GLIS3: variants seen among roughly 807,000 people sequenced by gnomAD.
The protein encoded by GLIS3 is zinc finger protein GLIS3.
GLIS3 carries 53 observed loss-of-function variants against 78.6 expected under a neutral mutation model. The ratio of observed to expected loss-of-function variants is 0.67; its 90% CI spans 0.54 to 0.85. The LOEUF is 0.85. GLIS3 is among the 40% of genes least tolerant of loss of function. The probability of loss-of-function intolerance (pLI) is 0.00; values close to 1 mark genes in which losing one functional copy is unlikely to be tolerated. For missense variants in GLIS3, 1,703 were observed against 1,231.1 expected, an observed-to-expected ratio of 1.38 and a Z score of -5.74; for synonymous variants, 684 against 509.9, an observed-to-expected ratio of 1.34 and a Z score of -4.60.
At chr9:4,197,847 G>C (rs1474183271) in intron 2 of GLIS3, among the ~76,000 whole-genome samples, 1 of 152,000 alleles carries the variant, frequency 6.6e-6, no homozygotes, top group Non-Finnish European at 1.5e-5. Context: ...GCCAACCAAA[G>C]TGCACAGGGC....
At chr9:3,896,544 T>C (rs959718862) in intron 7 of GLIS3, among the ~76,000 whole-genome samples, 1 of 151,562 alleles carries the variant, frequency 6.6e-6, no homozygotes, top group African/African-American at 2.4e-5. Context: ...TGCACACCTG[T>C]AGTCCCAGCT....
chr9:4,125,726 C>G lies in GLIS3; in HGVS notation c.596+8G>C. The stretch of plus-strand genomic sequence containing the variant: ...TAAAGAAAGGGGAAAAAAAAGTTAA[C>G]TTGAGACCTGGTATCTGAAGGAGGT... On this transcript the variant is annotated splice_region_variant and intron_variant, in intron 3 of 10. Coordinates refer to ENST00000381971, the MANE Select transcript of GLIS3 (RefSeq NM_001042413.2). 7 of 1,610,834 alleles carry G rather than the reference C, an allele frequency of 4.3e-6. No individual in the cohort carries two copies. The highest frequency in any genetic ancestry group is 5.9e-6 in the Non-Finnish European group (7 of 1,178,190).
At chr9:4,410,058 C>T in the GLIS3 span, among the ~76,000 whole-genome samples, 11 of 152,174 alleles carry the variant, frequency 7.2e-5, no homozygotes, top group South Asian at 2.3e-3. Context: ...GCAAACTCTG[C>T]CTCCCAGATT....
intron 2 of GLIS3, among the ~76,000 whole-genome samples, chr9:4,256,031 A>C (rs1212089185): frequency 6.6e-6 from 1 of 152,180 alleles, no homozygotes; most frequent in African/African-American, 2.4e-5. Flanking sequence ...CTAAAAACTA[A>C]GTCTATTTTT....
the GLIS3 span, among the ~76,000 whole-genome samples, chr9:4,356,576 A>G: frequency 6.6e-6 from 1 of 152,236 alleles, no homozygotes; most frequent in Non-Finnish European, 1.5e-5. Context: ...TTCTCACGGT[A>G]GGGTCAAGCT....
intron 7 of GLIS3, 122 bp downstream of exon 7, chr9:3,898,569 C>T (rs1291635353): frequency 9.0e-7 from 1 of 1,112,130 alleles, no homozygotes; most frequent in South Asian, 1.3e-5. Context: ...ATTTGCAGCC[C>T]ATTGATAAAG....
chr9:3,829,459 G>A lies in GLIS3; in HGVS notation c.2507C>T (p.Pro836Leu), dbSNP rs139986714. Reference sequence around the variant, plus strand: ...AATTCTCTGGGAATCGGGGTAGTGTGGGGGACAGAACTTCTGCAGCTGCCC... The same window carrying A: ...AATTCTCTGGGAATCGGGGTAGTGTAGGGGACAGAACTTCTGCAGCTGCCC... ...FYGQLQKFCP[P>L]HYPDSQRIVP... Residue 836 changes from proline to leucine, a missense_variant, in exon 10 of 11, where the codon CCA becomes CTA. By Grantham distance (98) the Pro-to-Leu change is moderately conservative. Transcript: ENST00000381971. 2 of 1,614,012 alleles carry A rather than the reference G, an allele frequency of 1.2e-6. No individual in the cohort carries two copies. The highest frequency in any genetic ancestry group is 1.3e-5 in the African/African-American group (1 of 74,920).
chr9:4,107,773 G>A (rs1446197472), intron 4 of GLIS3, among the ~76,000 whole-genome samples: 1 of 150,940 alleles, frequency 6.6e-6, no homozygotes, highest in Non-Finnish European at 1.5e-5. Context: ...AAACATGGCT[G>A]GCATCATTTT....
At chr9:4,203,034 C>T (rs1395464895) in intron 2 of GLIS3, among the ~76,000 whole-genome samples, 1 of 152,166 alleles carries the variant, frequency 6.6e-6, no homozygotes, top group Admixed American at 6.5e-5. Context: ...AAGAGACAAC[C>T]TGCAGAATAG....
chr9:4,199,063 G>C (rs1819125453), intron 2 of GLIS3, among the ~76,000 whole-genome samples: 1 of 152,156 alleles, frequency 6.6e-6, no homozygotes, highest in African/African-American at 2.4e-5. Context: ...CCATAAGAGA[G>C]TTCCAAACAT....
intron 4 of GLIS3, among the ~76,000 whole-genome samples, chr9:4,082,243 A>G (rs1196247255): frequency 6.6e-6 from 1 of 152,174 alleles, no homozygotes; most frequent in Non-Finnish European, 1.5e-5. Flanking sequence ...ATTTACTAAC[A>G]TTTTACTGTA....
At chr9:4,440,092 C>T in the GLIS3 span, among the ~76,000 whole-genome samples, 1 of 152,168 alleles carries the variant, frequency 6.6e-6, no homozygotes, top group Non-Finnish European at 1.5e-5. Flanking sequence ...TGGATATCAA[C>T]CTCTTGTCAG....
chr9:3,906,137 G>C (rs563365015), intron 6 of GLIS3, among the ~76,000 whole-genome samples: 1 of 152,232 alleles, frequency 6.6e-6, no homozygotes, highest in Admixed American at 6.5e-5. Context: ...ATTGCCAGAG[G>C]TCAGATCATG....
chr9:3,945,663 G>C (rs1245575908), intron 4 of GLIS3, among the ~76,000 whole-genome samples: 1 of 152,028 alleles, frequency 6.6e-6, no homozygotes, highest in Non-Finnish European at 1.5e-5. Flanking sequence ...TTCGATTTTA[G>C]GCAATATTTT....
At chr9:4,147,361 G>A (rs1834305248) in intron 2 of GLIS3, 1 of 152,106 alleles carries the variant, frequency 6.6e-6, no homozygotes, top group Non-Finnish European at 1.5e-5. Flanking sequence ...AATTATTCAT[G>A]TTCTCAGGCT....
At chr9:4,292,622 C>G (rs1816106582) in intron 1 of GLIS3, among the ~76,000 whole-genome samples, 1 of 152,136 alleles carries the variant, frequency 6.6e-6, no homozygotes, top group Admixed American at 6.5e-5. Flanking sequence ...TCATTCCTAC[C>G]ACTGCTATCT....
At chr9:4,089,039 TC>T (rs1291632593) in intron 4 of GLIS3, among the ~76,000 whole-genome samples, 1 of 152,252 alleles carries the variant, frequency 6.6e-6, no homozygotes, top group Non-Finnish European at 1.5e-5. Context: ...AGAAAGACTT[TC>T]CCCAGCAACT....
rs200195201 is a variant in GLIS3 at position 4,286,193 on chromosome 9, C to T, written c.233G>A (p.Arg78His). 52 of 1,614,100 alleles carry T rather than the reference C, an allele frequency of 3.2e-5. No individual in the cohort carries two copies. The highest frequency in any genetic ancestry group is 4.0e-5 in the African/African-American group (3 of 74,934). ...MAPQNNVAES[R>H]IHLPALSPRR... ...GGGGCTTAAGGCAGGCAGATGGATG[C>T]GGCTCTCAGCCACGTTGTTCTGAGG... The change falls in exon 2 of 11, where the codon CGC becomes CAC. Residue 78 changes from arginine to histidine, a missense_variant. By Grantham distance (29) the Arg-to-His change is conservative. Coordinates refer to ENST00000381971, the MANE Select transcript of GLIS3 (RefSeq NM_001042413.2).
the GLIS3 span, among the ~76,000 whole-genome samples, chr9:4,447,738 C>G: frequency 6.6e-6 from 1 of 152,062 alleles, no homozygotes; most frequent in Non-Finnish European, 1.5e-5. Flanking sequence ...GGACAACTTC[C>G]CCAAGGACTC....
Sources: allele counts gnomAD v4.1 joint callset (sites outside exome capture counted in the v4.1 genomes callset), GRCh38; gene constraint gnomAD v4.1.1; transcripts MANE v1.5; gene names NCBI Gene and HGNC (gene_info 2026-07-23, HGNC 2026-07-21).